The following CSMD3 variants were observed in gnomAD, a reference collection of about 807,000 sequenced individuals.
The protein encoded by CSMD3 is CUB and Sushi multiple domains 3, also known as CUB and sushi domain-containing protein 3.
CSMD3 carries 177 observed loss-of-function variants against 435.2 expected under a neutral mutation model. That is an observed-to-expected ratio of 0.41 (90% CI 0.36 to 0.46). The LOEUF is 0.46. CSMD3 is among the 20% of genes least tolerant of loss of function. The pLI, the probability that CSMD3 is intolerant of heterozygous loss-of-function variation, is 0.34. For synonymous variants in CSMD3, 1,656 were observed against 1,520.5 expected (o/e 1.09, Z -2.07); for missense variants, 4,265 against 4,504.6 (o/e 0.95, Z 1.52).
chr8:112,494,494 C>CTTTT (rs377610586), intron 30 of CSMD3, among the ~76,000 whole-genome samples: 5,034 of 40,158 alleles, frequency 0.13, 1,100 homozygotes, highest in African/African-American at 0.25. Flanking sequence ...TTCTTTCTCT[C>CTTTT]CTTTCTTTCT....
Position 112,255,312 on chromosome 8 carries a change from T to C in CSMD3, c.9978A>G (p.Ser3326=), listed in dbSNP as rs1365202059. Residue 3326 remains serine, a synonymous_variant, in exon 62 of 71, where the codon TCA becomes TCG. Coordinates refer to ENST00000297405, the MANE Select transcript of CSMD3 (RefSeq NM_198123.2). ...SCNFPFILVG[S]STRICQADGT... ...CATCTGCTTGACATATTCTGGTGCT[T>C]GATCCCACTAATATGAAAGGAAAAT... is the stretch of plus-strand genomic sequence containing the variant. 5.0e-6 allele frequency: 8 copies of C among 1,613,484 alleles called. No individual in the cohort carries two copies. Among genetic ancestry groups the C allele is most frequent in the Non-Finnish European group, 8.5e-7 (1 of 1,179,674 alleles).
At chr8:112,252,422 T>A (rs1405764132) in intron 63 of CSMD3, among the ~76,000 whole-genome samples, 1 of 151,916 alleles carries the variant, frequency 6.6e-6, no homozygotes, top group East Asian at 1.9e-4. Flanking sequence ...CACTCTGGGT[T>A]TGATGAGTCT....
At chr8:113,311,036 T>C (rs2093864299) in intron 2 of CSMD3, 1 of 152,116 alleles carries the variant, frequency 6.6e-6, no homozygotes, top group Admixed American at 6.5e-5. Context: ...ACATACAATA[T>C]CATATATGGA....
At chr8:112,938,207 A>G (rs889539881) in intron 9 of CSMD3, among the ~76,000 whole-genome samples, 6 of 152,194 alleles carry the variant, frequency 3.9e-5, no homozygotes, top group African/African-American at 1.4e-4. Context: ...TCACTCACCA[A>G]TGGGAGCTTG....
intron 6 of CSMD3, among the ~76,000 whole-genome samples, chr8:113,005,690 T>C (rs1337705103): frequency 6.6e-6 from 1 of 152,018 alleles, no homozygotes; most frequent in Non-Finnish European, 1.5e-5. Context: ...TCAGCAATTT[T>C]TATATAATGT....
At position 112,982,417 on chromosome 8, in the gene CSMD3, A is replaced by G. The variant is rs77349603; in HGVS notation, c.1031-6269T>C. Among the ~76,000 whole-genome samples the G allele has an allele frequency of 4.9e-3, 740 of 152,052 alleles. 5 individuals carry two copies. The highest frequency in any genetic ancestry group is 0.016 in the African/African-American group (654 of 41,552). ...TGCCCCTCTACATCTTTGTACAACC[A>G]TCAACCAGAATCCTGAATCTTTAGA... On this transcript the variant is annotated intron_variant, in intron 6 of 70. Transcript: ENST00000297405.
intron 12 of CSMD3, among the ~76,000 whole-genome samples, chr8:112,814,851 C>T (rs1469203355): frequency 6.6e-6 from 1 of 151,820 alleles, no homozygotes; most frequent in Non-Finnish European, 1.5e-5. Context: ...TTCCTGCATT[C>T]CTTAAGACCT....
At chr8:112,254,923 A>T (rs1050507138) in intron 62 of CSMD3, among the ~76,000 whole-genome samples, 39 of 152,088 alleles carry the variant, frequency 2.6e-4, no homozygotes, top group Admixed American at 2.6e-3. Flanking sequence ...TTTGGAGCAA[A>T]TCTAATTTCA....
chr8:112,287,276 A>C (rs754798012), intron 57 of CSMD3, 30 bp from the exon 58 acceptor site: 4 of 1,609,194 alleles, frequency 2.5e-6, no homozygotes, highest in Non-Finnish European at 3.4e-6. Context: ...AAGTTAACCA[A>C]TTCCCATAAA....
intron 13 of CSMD3, among the ~76,000 whole-genome samples, chr8:112,791,016 C>T (rs2078674452): frequency 6.6e-6 from 1 of 152,006 alleles, no homozygotes; most frequent in Non-Finnish European, 1.5e-5. Context: ...GAAACCATCA[C>T]CACTGACAAG....
At chr8:112,500,598 T>C (rs1821838730) in intron 30 of CSMD3, among the ~76,000 whole-genome samples, 1 of 152,154 alleles carries the variant, frequency 6.6e-6, no homozygotes, top group Admixed American at 6.5e-5. Context: ...ACTAAATCAA[T>C]GATAATGATA....
intron 10 of CSMD3, among the ~76,000 whole-genome samples, chr8:112,870,720 T>C (rs925701474): frequency 6.6e-6 from 1 of 152,140 alleles, no homozygotes; most frequent in African/African-American, 2.4e-5. Context: ...ATCACACAAA[T>C]ATTAAATTAA....
intron 13 of CSMD3, among the ~76,000 whole-genome samples, chr8:112,759,734 G>A (rs529093597): frequency 1.2e-4 from 18 of 152,024 alleles, no homozygotes; most frequent in Non-Finnish European, 2.4e-4. Context: ...TGTAAAATGT[G>A]TTATTTTCGC....
At chr8:113,306,074 G>C (rs1273879260) in intron 2 of CSMD3, among the ~76,000 whole-genome samples, 1 of 151,952 alleles carries the variant, frequency 6.6e-6, no homozygotes, top group Non-Finnish European at 1.5e-5. Flanking sequence ...TTTGTCACTT[G>C]GTGTGTCTCA....
chr8:112,319,116 T>A (rs79460903), intron 46 of CSMD3, among the ~76,000 whole-genome samples, 166 bp from the exon 47 acceptor site: 1 of 152,118 alleles, frequency 6.6e-6, no homozygotes, highest in Non-Finnish European at 1.5e-5. Flanking sequence ...GAAAAACCAG[T>A]ATATAATACT....
chr8:113,026,422 G>T (rs368475884), intron 5 of CSMD3, among the ~76,000 whole-genome samples: 9 of 152,072 alleles, frequency 5.9e-5, no homozygotes, highest in South Asian at 2.1e-4. Flanking sequence ...TCATTGTTTT[G>T]GTCCTTTGTT....
At chr8:112,444,952 G>C (rs1440808056) in intron 32 of CSMD3, among the ~76,000 whole-genome samples, 1 of 152,114 alleles carries the variant, frequency 6.6e-6, no homozygotes, top group Non-Finnish European at 1.5e-5. Flanking sequence ...TTCAACAAAA[G>C]ACATAGCAGG....
chr8:113,104,585 A>G (rs2090422842), intron 4 of CSMD3, among the ~76,000 whole-genome samples: 2 of 152,104 alleles, frequency 1.3e-5, no homozygotes. Context: ...TAACTGGTAA[A>G]TAACACTTCA....
intron 4 of CSMD3, among the ~76,000 whole-genome samples, chr8:113,144,595 A>AT (rs36056665): frequency 1.4e-4 from 21 of 150,502 alleles, no homozygotes; most frequent in East Asian, 3.9e-4. Flanking sequence ...CTTCAAATAC[A>AT]TTTTTTTTTC....
Sources: gnomAD v4.1 joint callset for allele counts (sites outside exome capture counted in the v4.1 genomes callset) on GRCh38, gnomAD v4.1.1 for gene constraint, MANE v1.5 for transcripts, NCBI Gene and HGNC (gene_info 2026-07-23, HGNC 2026-07-21) for gene names.